Variants in ZNF518B observed in about 807,000 individuals in gnomAD.
ZNF518B encodes zinc finger protein 518B.
ZNF518B carries 23 observed loss-of-function variants against 56.3 expected under a neutral mutation model. That is an observed-to-expected ratio of 0.41 (90% CI 0.29 to 0.58). The LOEUF (loss-of-function observed/expected upper bound fraction) is 0.58, where lower values mean the gene tolerates loss of function less well. Ranked by LOEUF, ZNF518B falls within the 20% of genes least tolerant of loss-of-function variation. The pLI, the probability that ZNF518B is intolerant of heterozygous loss-of-function variation, is 0.32. For missense variants in ZNF518B, 1,460 were observed against 1,272.1 expected, an observed-to-expected ratio of 1.15 and a Z score of -2.25; for synonymous variants, 529 against 465.9, an observed-to-expected ratio of 1.14 and a Z score of -1.74.
chr4:10,459,077 G>C (rs964253734), upstream of ZNF518B, among the ~76,000 whole-genome samples: 2 of 152,186 alleles, frequency 1.3e-5, no homozygotes, highest in African/African-American at 4.8e-5. Context: ...TTGTGAGCCT[G>C]TCTGAACCTC....
rs956570812 is a variant in ZNF518B at position 10,447,490 on chromosome 4, C to T, written c.-211-951G>A. 6.6e-5 allele frequency among the ~76,000 whole-genome samples: 10 copies of T among 152,028 alleles called. No homozygotes were observed. The East Asian group carries it at 7.8e-4, about 12-fold the overall frequency. On this transcript the variant is annotated intron_variant, in intron 2 of 2. Transcript: ENST00000326756. ...GAGGAACAGCAAGGAGAATGGGGAA[C>T]GGGACATGTTCTAGGAAAGACAATA...
chr4:10,455,503 A>T (rs1246989589), intron 1 of ZNF518B, among the ~76,000 whole-genome samples: 1 of 152,240 alleles, frequency 6.6e-6, no homozygotes, highest in African/African-American at 2.4e-5. Context: ...AATGAATGAA[A>T]GAGCAGGCTT....
At position 10,444,777 on chromosome 4, in the gene ZNF518B, T is replaced by C. The variant is rs1714907420; in HGVS notation, c.1552A>G (p.Arg518Gly). 1 of 1,613,674 alleles carries C rather than the reference T, an allele frequency of 6.2e-7. No individual in the cohort carries two copies. Among genetic ancestry groups the C allele is most frequent in the Non-Finnish European group, 8.5e-7 (1 of 1,179,824 alleles). ...TGCTGTGAGCTACTGTGTAAATTTC[T>C]TCCACTTTCAGCAAAACAAACAGCA... is the stretch of plus-strand genomic sequence containing the variant. ...KAAVCFAESGRNLHSSSQQLL... is the reference protein window; with the variant it reads ...KAAVCFAESGGNLHSSSQQLL... The change falls in exon 3 of 3, where the codon AGA becomes GGA. Residue 518 changes from arginine to glycine, a missense_variant. Arg to Gly is a moderately radical substitution (Grantham distance 125). Coordinates refer to ENST00000326756, the MANE Select transcript of ZNF518B (RefSeq NM_053042.3).
chr4:10,455,220 T>G (rs1398348990), intron 1 of ZNF518B, among the ~76,000 whole-genome samples: 1 of 152,194 alleles, frequency 6.6e-6, no homozygotes, highest in Non-Finnish European at 1.5e-5. Flanking sequence ...TTCTCCCTAG[T>G]TGATTTTGAT....
chr4:10,454,104 T>A (rs1253958270), intron 2 of ZNF518B: 1 of 152,234 alleles, frequency 6.6e-6, no homozygotes, highest in Non-Finnish European at 1.5e-5. Context: ...GCAGGTGCAC[T>A]TGGGAATGGC....
At position 10,440,176 on chromosome 4, in the gene ZNF518B, CAG is replaced by C. The variant is rs780342937; in HGVS notation, c.*2926_*2927del. 6.6e-6 allele frequency: 1 copy of C among 152,234 alleles called. No homozygotes were observed. Among genetic ancestry groups the C allele is most frequent in the Non-Finnish European group, 1.5e-5 (1 of 68,030 alleles). The allele number at this position is 152,234 out of a possible 1,614,324, so 9.4% of individuals were successfully genotyped here. A position where few individuals can be genotyped will look rare whatever the true frequency, so the allele number is the denominator to read the frequency against. The stretch of plus-strand genomic sequence containing the variant: ...AGCTTGTGAGAAAATATATTTTGTT[CAG>C]TCTAGTTCAACAGACAGCAGGTGGC... On this transcript the variant is annotated 3_prime_UTR_variant, in exon 3 of 3. Transcript: ENST00000326756.
rs1467540540 is a variant in ZNF518B, at chr4:10,445,788, A to G, written c.541T>C (p.Leu181=). The G allele has an allele frequency of 6.2e-7, 1 of 1,614,202 alleles. No homozygotes were observed. The highest frequency in any genetic ancestry group is 1.7e-5 in the Admixed American group (1 of 60,026). Residue 181 remains leucine (L), a synonymous_variant, in exon 3 of 3, where the codon TTG becomes CTG. Transcript: ENST00000326756. ...SYTKGEFQRH[L]VKHTGIFPYQ... is the part of the protein sequence containing the mutation. ...GGAAATATGCCTGTGTGTTTCACCA[A>G]ATGCCTCTGAAACTCTCCTTTCGTA... is the stretch of plus-strand genomic sequence containing the variant.
chr4:10,454,400 G>A (rs534691807), intron 2 of ZNF518B: 1 of 152,386 alleles, frequency 6.6e-6, no homozygotes, highest in East Asian at 1.9e-4. Context: ...CCCCACACCT[G>A]CTGTGGGCTG....
At position 10,444,319 on chromosome 4, in the gene ZNF518B, A is replaced by T. The variant is rs747063821; in HGVS notation, c.2010T>A (p.Ala670=). 1.1e-5 allele frequency: 18 copies of T among 1,614,154 alleles called. No individual in the cohort carries two copies. The South Asian group carries it at 2.0e-4, about 18-fold the overall frequency. The change falls in exon 3 of 3, where the codon GCT becomes GCA. Residue 670 remains alanine, a synonymous_variant. Coordinates refer to ENST00000326756, the MANE Select transcript of ZNF518B (RefSeq NM_053042.3). ...KSIELLRRKI[A]QLIESCGKPS... The stretch of plus-strand genomic sequence containing the variant: ...GCTTCCCACAGGACTCAATTAACTG[A>T]GCTATCTTTCTGCGCAACAGTTCAA...
In ZNF518B at chr4:10,440,366, G is replaced by C. The variant is rs937430680; in HGVS notation, c.*2738C>G. On this transcript the variant is annotated 3_prime_UTR_variant, in exon 3 of 3. Transcript: ENST00000326756. ...TCTCACTTCTGGTCCACCAAAGTAA[G>C]AAAACCTACTTTAAAAAATAAGTTG... 1 of 151,044 alleles carries C rather than the reference G, an allele frequency of 6.6e-6. No individual in the cohort carries two copies. The highest frequency in any genetic ancestry group is 1.5e-5 in the Non-Finnish European group (1 of 67,966). The allele number at this position is 151,044 out of a possible 1,614,324, so 9.4% of individuals were successfully genotyped here. A position where few individuals can be genotyped will look rare whatever the true frequency, so the allele number is the denominator to read the frequency against.
chr4:10,460,288 G>A (rs1054467820), upstream of ZNF518B, among the ~76,000 whole-genome samples: 1 of 115,514 alleles, frequency 8.7e-6, no homozygotes, highest in Admixed American at 1.3e-4. Flanking sequence ...ATGGGCAACA[G>A]GGCAAGACTC....
In ZNF518B at chr4:10,443,876, T is replaced by C; in HGVS notation, c.2453A>G (p.Gln818Arg). The change falls in exon 3 of 3, where the codon CAG becomes CGG. Residue 818 changes from glutamine (Q) to arginine (R), a missense_variant. Coordinates refer to ENST00000326756, the MANE Select transcript of ZNF518B (RefSeq NM_053042.3). ...IKPVPFCPVRQADSDLQPLRS... is the reference protein window; with the variant it reads ...IKPVPFCPVRRADSDLQPLRS... The stretch of plus-strand genomic sequence containing the variant: ...TAAAGGCTGTAAGTCTGAGTCCGCC[T>C]GTCTCACAGGGCAAAATGGAACTGG... The C allele has an allele frequency of 1.2e-6, 2 of 1,614,220 alleles. No homozygotes were observed. Among genetic ancestry groups the C allele is most frequent in the African/African-American group, 1.3e-5 (1 of 75,062 alleles).
intron 1 of ZNF518B, among the ~76,000 whole-genome samples, chr4:10,456,050 T>A (rs1715512053): frequency 6.6e-6 from 1 of 152,138 alleles, no homozygotes; most frequent in African/African-American, 2.4e-5. Flanking sequence ...TGTAGAAGAG[T>A]ACTGCAAGCT....
chr4:10,452,094 A>AC (rs1232948721), intron 2 of ZNF518B: 1 of 152,082 alleles, frequency 6.6e-6, no homozygotes, highest in Non-Finnish European at 1.5e-5. Context: ...AGGAATGCTG[A>AC]CCCCAAAGTC....
chr4:10,443,330 G>T lies in ZNF518B; in HGVS notation c.2999C>A (p.Ala1000Asp). 1 of 1,614,136 alleles carries T rather than the reference G, an allele frequency of 6.2e-7. No individual in the cohort carries two copies. Among genetic ancestry groups the T allele is most frequent in the Non-Finnish European group, 8.5e-7 (1 of 1,180,002 alleles). Residue 1000 changes from alanine (A) to aspartate (D), a missense_variant, in exon 3 of 3, where the codon GCC (alanine) becomes GAC (aspartate). By Grantham distance (126) the Ala-to-Asp change is moderately radical. Coordinates refer to ENST00000326756, the MANE Select transcript of ZNF518B (RefSeq NM_053042.3). ...VRLTYQNAEEASQIKRQMMLK... is the reference protein window; with the variant it reads ...VRLTYQNAEEDSQIKRQMMLK... ...CATCATTTGCCTTTTAATTTGACTG[G>T]CTTCTTCCGCATTCTGGTAGGTCAG...
upstream of ZNF518B, among the ~76,000 whole-genome samples, chr4:10,459,178 A>T (rs1208424510): frequency 1.3e-5 from 2 of 152,208 alleles, no homozygotes; most frequent in Non-Finnish European, 2.9e-5. Flanking sequence ...AGGACTTATC[A>T]CAGTCCCTGG....
In ZNF518B at chr4:10,444,751, C is replaced by G. The variant is rs1351267937; in HGVS notation, c.1578G>C (p.Gln526His). The G allele has an allele frequency of 1.2e-6, 2 of 1,613,924 alleles. No homozygotes were observed. The highest frequency in any genetic ancestry group is 1.7e-6 in the Non-Finnish European group (2 of 1,179,874). ...CAGGTGATGCAGCAAATGGGAGTAA[C>G]TGCTGTGAGCTACTGTGTAAATTTC... Reference protein sequence around the residue: ...SGRNLHSSSQQLLPFAASPAT... With the variant: ...SGRNLHSSSQHLLPFAASPAT... Residue 526 changes from glutamine to histidine, a missense_variant, in exon 3 of 3, where the codon CAG (glutamine) becomes CAC (histidine). Physicochemically the swap from Gln to His is conservative, Grantham distance 24. Coordinates refer to ENST00000326756, the MANE Select transcript of ZNF518B (RefSeq NM_053042.3).
At chr4:10,454,466 G>A (rs757000748) in intron 2 of ZNF518B, 20 of 152,210 alleles carry the variant, frequency 1.3e-4, no homozygotes, top group Non-Finnish European at 2.5e-4. Flanking sequence ...ATGATAAGTA[G>A]AGTAGTGAAT....
chr4:10,450,689 A>G lies in ZNF518B; in HGVS notation c.-212+4116T>C, dbSNP rs776135535. Among the ~76,000 whole-genome samples the G allele has an allele frequency of 8.9e-4, 136 of 152,298 alleles. 2 individuals are homozygous for G. The highest frequency in any genetic ancestry group is 4.9e-3 in the Admixed American group (75 of 15,298). On this transcript the variant is annotated intron_variant, in intron 2 of 2. Transcript: ENST00000326756. ...CTGGATGGATGACCAAGGAGTACAA[A>G]AAGACACCGGAGACAAAGCTGTGCA...
Sources: gnomAD v4.1 joint callset for allele counts (sites outside exome capture counted in the v4.1 genomes callset) on GRCh38, gnomAD v4.1.1 for gene constraint, MANE v1.5 for transcripts, NCBI Gene and HGNC (gene_info 2026-07-23, HGNC 2026-07-21) for gene names.